Variants in ACIN1 observed in about 807,000 individuals in gnomAD.
ACIN1 encodes the protein apoptotic chromatin condensation inducer 1, also known as apoptotic chromatin condensation inducer in the nucleus.
A neutral mutation model predicts 146.6 loss-of-function variants in ACIN1; 16 were observed. The observed-to-expected ratio is 0.11, with a 90% CI of 0.07 to 0.17. The LOEUF (loss-of-function observed/expected upper bound fraction) is 0.17. Among genes scored for constraint, ACIN1 ranks in the 10% least tolerant of loss-of-function variants. ACIN1 has a pLI of 1.00. For synonymous variants in ACIN1, 569 were observed against 582.7 expected (o/e 0.98, Z 0.34); for missense variants, 1,357 against 1,609.3 (o/e 0.84, Z 2.68).
At chr14:23,082,823 T>C (rs2047982243) in intron 4 of ACIN1, among the ~76,000 whole-genome samples, 1 of 151,424 alleles carries the variant, frequency 6.6e-6, no homozygotes, top group African/African-American at 2.4e-5. Flanking sequence ...CACCACAACC[T>C]CCGCCTCCCA....
chr14:23,080,560 C>G lies in ACIN1; in HGVS notation c.775G>C (p.Glu259Gln), dbSNP rs529325011. Residue 259 changes from glutamate to glutamine, a missense_variant, in exon 6 of 19, where the codon GAG becomes CAG. Around this residue, in one of 4 missense-constraint regions of ACIN1, gnomAD observed 771 missense variants for 746.6 expected, o/e 1.03. Transcript: ENST00000605057. ...EGEEIPRVKP[E>Q]EMMDERPKTR... ...TTGGGTCTCTCATCCATCATCTCCT[C>G]TGGTTTTACTCTAGGTATCTCTTCC... The G allele has an allele frequency of 5.6e-6, 9 of 1,614,106 alleles. No homozygotes were observed. The South Asian group carries it at 9.9e-5, about 18-fold the overall frequency.
intron 9 of ACIN1, 146 bp from the exon 10 acceptor site, chr14:23,066,154 A>C: frequency 1.6e-6 from 1 of 628,920 alleles, no homozygotes; most frequent in Non-Finnish European, 2.7e-6. Flanking sequence ...ACACAGAGAC[A>C]GACAGAGACC....
At chr14:23,063,113 C>G (rs748010189) in intron 13 of ACIN1, 39 bp from the exon 14 acceptor site, 2 of 1,562,652 alleles carry the variant, frequency 1.3e-6, no homozygotes, top group Non-Finnish European at 1.7e-6. Flanking sequence ...TGGTAGGAAG[C>G]AATACTGGCT....
rs374750645 is a variant in ACIN1, at chr14:23,079,554, C to A, written c.1781G>T (p.Ser594Ile). 7.5e-6 allele frequency: 12 copies of A among 1,608,454 alleles called. No individual in the cohort carries two copies. The highest frequency in any genetic ancestry group is 2.5e-6 in the Non-Finnish European group (3 of 1,178,864). The change falls in exon 6 of 19, where the codon AGC (serine) becomes ATC (isoleucine). Residue 594 changes from serine to isoleucine, a missense_variant. By Grantham distance (142) the Ser-to-Ile change is moderately radical. Transcript: ENST00000605057. ...GGATTCTCTCATACTCACTTTTCTGCTGTTGCTTGATGCTGAACGAGAACG... is the reference window on the plus strand; with the variant it reads ...GGATTCTCTCATACTCACTTTTCTGATGTTGCTTGATGCTGAACGAGAACG... ...RSRSRSASSN[S>I]RKSLSPGVSR... is the part of the protein sequence containing the mutation.
chr14:23,088,479 C>A (rs1402831509), intron 4 of ACIN1, among the ~76,000 whole-genome samples: 1 of 152,168 alleles, frequency 6.6e-6, no homozygotes, highest in African/African-American at 2.4e-5. Flanking sequence ...TGGAAAATTT[C>A]TTTCCCACCA....
chr14:23,095,399 C>G, upstream of ACIN1: 1 of 1,336,346 alleles, frequency 7.5e-7, no homozygotes, highest in East Asian at 2.3e-5. Context: ...TTCGGAAACC[C>G]TCGACCCTGG....
intron 8 of ACIN1, chr14:23,076,488 A>G (rs2047804999): frequency 1.3e-5 from 2 of 152,198 alleles, no homozygotes; most frequent in African/African-American, 2.4e-5. Context: ...GGGGGACAGG[A>G]AACTCTATGA....
chr14:23,063,997 G>A lies in ACIN1; in HGVS notation c.2595+108C>T, dbSNP rs1014040622. 2.5e-5 allele frequency: 37 copies of A among 1,469,694 alleles called. No individual in the cohort carries two copies. In the Admixed American group the frequency reaches 3.2e-4, roughly 13 times the overall value. The allele number at this position is 1,469,694 out of a possible 1,614,324, so 91.0% of individuals were successfully genotyped here. ...AAAGTGTCAGTCAACCCAACCCTCT[G>A]CACAGACAGGGAAGTTCCCTCCAAA... On this transcript the variant is annotated intron_variant, in intron 12 of 18. Transcript: ENST00000605057.
rs770392805 is a variant in ACIN1, at chr14:23,064,496, C to T, written c.2309-8G>A. On this transcript the variant is annotated splice_region_variant and splice_polypyrimidine_tract_variant and intron_variant, in intron 10 of 18. Coordinates refer to ENST00000605057, the MANE Select transcript of ACIN1 (RefSeq NM_001386863.1). ...GCACCCCCTTGGTAGCTGCTGTCCC[C>T]AAGAAATAGACCCAACAGTTAGATG... is the stretch of plus-strand genomic sequence containing the variant. 3 of 1,613,616 alleles carry T rather than the reference C, an allele frequency of 1.9e-6. No homozygotes were observed. The Admixed American group carries it at 5.0e-5, about 27-fold the overall frequency.
Position 23,067,354 on chromosome 14 carries a change from T to C in ACIN1, c.2266-1346A>G. The C allele has an allele frequency of 1.1e-5, 11 of 985,808 alleles. No individual in the cohort carries two copies. Among genetic ancestry groups the C allele is most frequent in the Non-Finnish European group, 1.3e-5 (11 of 829,926 alleles). 61.1% of individuals were successfully genotyped at this position (985,808 alleles called of 1,614,324 possible). On this transcript the variant is annotated intron_variant, in intron 9 of 18. Coordinates refer to ENST00000605057, the MANE Select transcript of ACIN1 (RefSeq NM_001386863.1). The surrounding 1 kb of genome is among the most constrained non-coding windows in gnomAD (Gnocchi z 4.6). ...CAGCCAATCGCACCTCACTGTGTAC[T>C]GTATCTAGTCAACCGCCGGTCCAAT...
chr14:23,065,062 G>A (rs1437520590), intron 10 of ACIN1, among the ~76,000 whole-genome samples: 1 of 152,112 alleles, frequency 6.6e-6, no homozygotes, highest in Non-Finnish European at 1.5e-5. Flanking sequence ...AAACTGAGAA[G>A]GACATGTAAA....
intron 2 of ACIN1, 22 bp downstream of exon 2, chr14:23,093,457 T>C (rs201525648): frequency 6.2e-5 from 99 of 1,609,456 alleles, no homozygotes; most frequent in Non-Finnish European, 7.9e-5. Context: ...GCCCACTCCA[T>C]TGAATACACC....
chr14:23,061,529 GTGGGGGT>G lies in ACIN1; in HGVS notation c.3186_3192del (p.Pro1064ArgfsTer106). On this transcript the variant is annotated frameshift_variant, in exon 17 of 19. Transcript: ENST00000605057. LOFTEE classifies it high-confidence loss of function. Reference sequence around the variant, plus strand: ...GGGTGCTGTGGTGGCTGGACCGGGGGTGGGGGTGGGGGGTGCAGGGGCCGTGGTATTC... The same window carrying G: ...GGGTGCTGTGGTGGCTGGACCGGGGGGGGGGGTGCAGGGGCCGTGGTATTC... 6.2e-7 allele frequency: 1 copy of G among 1,603,146 alleles called. No homozygotes were observed. The highest frequency in any genetic ancestry group is 1.1e-5 in the South Asian group (1 of 90,408).
In ACIN1 at chr14:23,080,664, T is replaced by C. The variant is rs771264931; in HGVS notation, c.671A>G (p.Asp224Gly). The C allele has an allele frequency of 3.7e-6, 6 of 1,612,182 alleles. No homozygotes were observed. The highest frequency in any genetic ancestry group is 5.1e-6 in the Non-Finnish European group (6 of 1,179,618). Residue 224 changes from aspartate (D) to glycine (G), a missense_variant, in exon 6 of 19, where the codon GAT becomes GGT. By Grantham distance (94) the Asp-to-Gly change is moderately conservative (BLOSUM62 -1). This residue lies in a region of ACIN1 where 771 missense variants were observed against 746.6 expected (regional missense o/e 1.03). Transcript: ENST00000605057. ...EEEEEEEEEEDDEEEEGDDEG... is the reference protein window; with the variant it reads ...EEEEEEEEEEGDEEEEGDDEG... ...ATCATCACCTTCCTCTTCTTCATCA[T>C]CTTCTTCCTCCTCCTCCTCCTCCTC...
chr14:23,094,703 G>T, intron 1 of ACIN1: 2 of 662,350 alleles, frequency 3.0e-6, no homozygotes, highest in South Asian at 2.7e-5. Flanking sequence ...AACAAGGAGG[G>T]GGTGGGGGAA....
chr14:23,071,495 G>A lies in ACIN1; in HGVS notation c.2124-1878C>T, dbSNP rs538495271. On this transcript the variant is annotated intron_variant, in intron 8 of 18. Transcript: ENST00000605057. ...GGAAGAGGGCCAGGCTGCTGGTAGT[G>A]GCTGGCTCTATTGTATTGGCGGAGC... 2.8e-5 allele frequency: 44 copies of A among 1,551,710 alleles called. No individual in the cohort carries two copies. In the South Asian group the frequency reaches 3.4e-4, roughly 12 times the overall value.
rs118035370 is a variant in ACIN1, at chr14:23,086,098, T to C, written c.436+3884A>G. The stretch of plus-strand genomic sequence containing the variant: ...CGAAGAAAAGCCTGTGGCTAAAAGG[T>C]AACCTTAGGTGTGAATAAGAAGCAG... On this transcript the variant is annotated intron_variant, in intron 4 of 18. Coordinates refer to ENST00000605057, the MANE Select transcript of ACIN1 (RefSeq NM_001386863.1). Among the ~76,000 whole-genome samples, 470 of 152,264 alleles carry C rather than the reference T, an allele frequency of 3.1e-3. 21 individuals are homozygous for C. The East Asian group carries it at 0.064, about 21-fold the overall frequency.
rs1170390981 is a variant in ACIN1 at position 23,080,008 on chromosome 14, G to A, written c.1327C>T (p.Leu443=). The A allele has an allele frequency of 6.2e-7, 1 of 1,613,976 alleles. No individual in the cohort carries two copies. The highest frequency in any genetic ancestry group is 2.2e-5 in the East Asian group (1 of 44,882). The change falls in exon 6 of 19, where the codon CTG becomes TTG. Residue 443 remains leucine (L), a synonymous_variant. Coordinates refer to ENST00000605057, the MANE Select transcript of ACIN1 (RefSeq NM_001386863.1). ...AGTGTGCTTTTCTGAACCAGAGGCAGGACACTCTCCTCTGGCACTTTCTCT... is the reference window on the plus strand; with the variant it reads ...AGTGTGCTTTTCTGAACCAGAGGCAAGACACTCTCCTCTGGCACTTTCTCT... ...PAEKVPEESV[L]PLVQKSTLAD...
chr14:23,060,238 G>C (rs905170557), intron 18 of ACIN1, among the ~76,000 whole-genome samples: 4 of 152,072 alleles, frequency 2.6e-5, no homozygotes, highest in African/African-American at 7.2e-5. Context: ...CAAAGTGCTG[G>C]GATTACAGGC....
Sources: gnomAD v4.1 joint callset for allele counts (sites outside exome capture counted in the v4.1 genomes callset) on GRCh38, gnomAD v4.1.1 for gene constraint, gnomAD v4.1.1 regional missense constraint, Gnocchi (gnomAD v3.1) non-coding constraint, MANE v1.5 for transcripts, NCBI Gene and HGNC (gene_info 2026-07-23, HGNC 2026-07-21) for gene names.